Variants in ANGPT1 observed in about 807,000 individuals in gnomAD.
ANGPT1 encodes the protein angiopoietin 1.
ANGPT1 carries 17 observed loss-of-function variants against 62.2 expected under a neutral mutation model. That is an observed-to-expected ratio of 0.27 (90% CI 0.19 to 0.41). The LOEUF is 0.41. Ranked by LOEUF, ANGPT1 falls within the 10% of genes least tolerant of loss-of-function variation. The pLI, the probability that ANGPT1 is intolerant of heterozygous loss-of-function variation, is 1.00. For synonymous variants in ANGPT1, 199 were observed against 198.9 expected, an observed-to-expected ratio of 1.00 and a Z score of 0.00; for missense variants, 478 against 594.9, an observed-to-expected ratio of 0.80 and a Z score of 2.04.
At chr8:107,285,676 A>C (rs1466192694) in intron 6 of ANGPT1, among the ~76,000 whole-genome samples, 1 of 152,094 alleles carries the variant, frequency 6.6e-6, no homozygotes, top group Non-Finnish European at 1.5e-5. Flanking sequence ...GTCCCAAAAG[A>C]AAGCCAGCGC....
chr8:107,347,601 C>G (rs903938264), intron 1 of ANGPT1, among the ~76,000 whole-genome samples: 1 of 151,762 alleles, frequency 6.6e-6, no homozygotes, highest in African/African-American at 2.4e-5. Flanking sequence ...ATTTTTGTAA[C>G]GATAAATAAA....
intron 1 of ANGPT1, among the ~76,000 whole-genome samples, chr8:107,456,397 T>A (rs1012754712): frequency 6.6e-6 from 1 of 152,108 alleles, no homozygotes; most frequent in Non-Finnish European, 1.5e-5. Flanking sequence ...TCAAAAGTCC[T>A]GTTCTAAAAA....
At chr8:107,445,365 C>G (rs934989750) in intron 1 of ANGPT1, among the ~76,000 whole-genome samples, 2 of 152,168 alleles carry the variant, frequency 1.3e-5, no homozygotes, top group Non-Finnish European at 2.9e-5. Flanking sequence ...GAAACTTACA[C>G]TCTTACCATT....
chr8:107,259,493 C>A (rs1213015246), intron 8 of ANGPT1, among the ~76,000 whole-genome samples: 1 of 152,056 alleles, frequency 6.6e-6, no homozygotes, highest in Non-Finnish European at 1.5e-5. Context: ...TTTAGAAAGT[C>A]TTGTCTACCA....
chr8:107,434,650 A>G (rs185280451), intron 1 of ANGPT1, among the ~76,000 whole-genome samples: 120 of 152,310 alleles, frequency 7.9e-4, no homozygotes, highest in Non-Finnish European at 1.1e-3. Context: ...GTTAAAGTAT[A>G]TAGGCTGGCC....
At chr8:107,325,123 C>T (rs1432511123) in intron 3 of ANGPT1, among the ~76,000 whole-genome samples, 4 of 152,068 alleles carry the variant, frequency 2.6e-5, no homozygotes, top group African/African-American at 7.2e-5. Context: ...TGGAGAAGTT[C>T]GTGGTAAAAC....
chr8:107,327,402 G>A (rs1209384006), intron 3 of ANGPT1, among the ~76,000 whole-genome samples: 1 of 152,048 alleles, frequency 6.6e-6, no homozygotes, highest in Non-Finnish European at 1.5e-5. Context: ...GATAGTCAAA[G>A]TAGTCAGATT....
At chr8:107,381,386 A>T (rs751134222) in intron 1 of ANGPT1, among the ~76,000 whole-genome samples, 1 of 152,154 alleles carries the variant, frequency 6.6e-6, no homozygotes, top group Non-Finnish European at 1.5e-5. Context: ...ATTACCTGTC[A>T]ATGTTTGCTT....
intron 1 of ANGPT1, among the ~76,000 whole-genome samples, chr8:107,481,150 T>A (rs1298411306): frequency 1.3e-5 from 2 of 152,110 alleles, no homozygotes; most frequent in Non-Finnish European, 2.9e-5. Flanking sequence ...CAAGGGCAAT[T>A]TTTCAAGACT....
In ANGPT1 at chr8:107,264,300, G is replaced by A. The variant is rs1460489591; in HGVS notation, c.1257C>T (p.Ile419=). The A allele has an allele frequency of 6.2e-7, 1 of 1,614,004 alleles. No individual in the cohort carries two copies. The highest frequency in any genetic ancestry group is 1.7e-4 in the Middle Eastern group (1 of 6,060). Reference sequence around the variant, plus strand: ...TAGTGCTGAAATCAGCACCGTGTAAGATCAGGCTGCTCTGTTTTCCTGCTG... The same window carrying A: ...TAGTGCTGAAATCAGCACCGTGTAAAATCAGGCTGCTCTGTTTTCCTGCTG... ...TGTAGKQSSL[I]LHGADFSTKD... is the part of the protein sequence containing the mutation. The change falls in exon 8 of 9, where the codon ATC becomes ATT. Residue 419 remains isoleucine, a synonymous_variant. Coordinates refer to ENST00000517746, the MANE Select transcript of ANGPT1 (RefSeq NM_001146.5).
intron 3 of ANGPT1, among the ~76,000 whole-genome samples, chr8:107,333,748 A>G (rs1051194708): frequency 1.3e-5 from 2 of 151,960 alleles, no homozygotes; most frequent in Admixed American, 6.6e-5. Context: ...TTTTACTGAT[A>G]GAGCAGAGAG....
At chr8:107,293,460 C>A (rs1814332594) in intron 6 of ANGPT1, among the ~76,000 whole-genome samples, 1 of 152,146 alleles carries the variant, frequency 6.6e-6, no homozygotes, top group Non-Finnish European at 1.5e-5. Context: ...AGTCTGATAA[C>A]CCTGGATCAC....
At chr8:107,442,079 GTC>G (rs1163194071) in intron 1 of ANGPT1, among the ~76,000 whole-genome samples, 3 of 151,824 alleles carry the variant, frequency 2.0e-5, no homozygotes, top group African/African-American at 7.3e-5. Context: ...GTGACACTCC[GTC>G]TCAAAAAAAA....
chr8:107,446,304 TAGTA>T (rs1242839590), intron 1 of ANGPT1, among the ~76,000 whole-genome samples: 3 of 152,214 alleles, frequency 2.0e-5, no homozygotes, highest in South Asian at 2.1e-4. Flanking sequence ...TATATTTTTG[TAGTA>T]AGTATTTGAT....
chr8:107,409,775 T>A (rs1245821907), intron 1 of ANGPT1, among the ~76,000 whole-genome samples: 1 of 152,104 alleles, frequency 6.6e-6, no homozygotes, highest in African/African-American at 2.4e-5. Context: ...TATTTCTTTC[T>A]AAAGTTTCGG....
chr8:107,462,798 C>T (rs1812104481), intron 1 of ANGPT1, among the ~76,000 whole-genome samples: 1 of 152,046 alleles, frequency 6.6e-6, no homozygotes, highest in Non-Finnish European at 1.5e-5. Context: ...ACCAACCAAT[C>T]AACCCTTCCC....
At chr8:107,435,744 A>T (rs575604594) in intron 1 of ANGPT1, among the ~76,000 whole-genome samples, 78 of 152,354 alleles carry the variant, frequency 5.1e-4, no homozygotes, top group African/African-American at 1.8e-3. Flanking sequence ...AAAACCTTTT[A>T]TTCATTGCCC....
intron 1 of ANGPT1, among the ~76,000 whole-genome samples, chr8:107,412,084 C>T (rs903833459): frequency 3.9e-5 from 6 of 152,116 alleles, no homozygotes; most frequent in Admixed American, 6.5e-5. Flanking sequence ...ATGTAAGTAG[C>T]ATCCCCCAAA....
At chr8:107,312,261 CA>C (rs1814890705) in intron 4 of ANGPT1, among the ~76,000 whole-genome samples, 1 of 152,178 alleles carries the variant, frequency 6.6e-6, no homozygotes, top group Non-Finnish European at 1.5e-5. Flanking sequence ...ATTTTATTCA[CA>C]AAGACATTTC....
Sources: allele counts gnomAD v4.1 joint callset (sites outside exome capture counted in the v4.1 genomes callset), GRCh38; gene constraint gnomAD v4.1.1; transcripts MANE v1.5; gene names NCBI Gene and HGNC (gene_info 2026-07-23, HGNC 2026-07-21).